AMDHD1: variants seen among roughly 807,000 people sequenced by gnomAD.
The protein encoded by AMDHD1 is amidohydrolase domain containing 1, also known as probable imidazolonepropionase.
A neutral mutation model predicts 44.1 loss-of-function variants in AMDHD1; 45 were observed. The observed-to-expected ratio is 1.02, with a 90% confidence interval of 0.80 to 1.31. The LOEUF (loss-of-function observed/expected upper bound fraction) is 1.31, where lower values mean the gene tolerates loss of function less well. Among genes scored for constraint, AMDHD1 ranks in the 50% most tolerant of loss-of-function variants. AMDHD1 has a pLI of 0.00. For missense variants in AMDHD1, 586 were observed against 552.1 expected (o/e 1.06, Z -0.61); for synonymous variants, 206 against 205.0 (o/e 1.00, Z -0.04).
intron 1 of AMDHD1, among the ~76,000 whole-genome samples, chr12:95,952,030 G>C (rs560043176): frequency 3.3e-5 from 5 of 152,154 alleles, no homozygotes; most frequent in South Asian, 2.1e-4. Flanking sequence ...CCATTCTGTG[G>C]GTTGTTTCTT....
intron 3 of AMDHD1, 94 bp from the exon 4 acceptor site, chr12:95,956,591 A>T (rs1592823653): frequency 6.6e-7 from 1 of 1,521,672 alleles, no homozygotes. Context: ...ATGGCTTCTT[A>T]ATCATTATAT....
intron 6 of AMDHD1, among the ~76,000 whole-genome samples, chr12:95,965,253 C>T (rs1227401232): frequency 1.4e-5 from 2 of 138,706 alleles, no homozygotes; most frequent in African/African-American, 2.7e-5. Flanking sequence ...GAGCCGAGAT[C>T]GTGCCACTGC....
At chr12:95,949,441 C>G (rs1351046095) in intron 1 of AMDHD1, among the ~76,000 whole-genome samples, 1 of 152,144 alleles carries the variant, frequency 6.6e-6, no homozygotes, top group African/African-American at 2.4e-5. Flanking sequence ...TCAGAAGACT[C>G]TGCAGAATTT....
At position 95,956,718 on chromosome 12, in the gene AMDHD1, G is replaced by C; in HGVS notation, c.343G>C (p.Ala115Pro). ...AGCCACCTACATGGAAATTCACCAG[G>C]CCGGAGGAGGGATCCACTTTACCGT... ...AGATYMEIHQ[A>P]GGGIHFTVER... The change falls in exon 4 of 9, where the codon GCC (alanine) becomes CCC (proline). Residue 115 changes from alanine (A) to proline (P), a missense_variant. Transcript: ENST00000266736. 1 of 1,614,198 alleles carries C rather than the reference G, an allele frequency of 6.2e-7. No individual in the cohort carries two copies. Among genetic ancestry groups the C allele is most frequent in the Non-Finnish European group, 8.5e-7 (1 of 1,180,032 alleles).
intron 1 of AMDHD1, among the ~76,000 whole-genome samples, chr12:95,944,327 TTTTATTTATTTATTTATTTATTTA>T (rs34358106): frequency 2.8e-5 from 4 of 141,574 alleles, no homozygotes; most frequent in African/African-American, 8.0e-5. Flanking sequence ...GTTGGTTTAA[TTTTATTTATTTATTTATTTATTTA>T]TTTATTTATT....
chr12:95,962,735 T>C (rs1055780216), intron 6 of AMDHD1, among the ~76,000 whole-genome samples: 3 of 152,240 alleles, frequency 2.0e-5, no homozygotes, highest in Non-Finnish European at 2.9e-5. Flanking sequence ...TCTTTTTCTT[T>C]TTTTTCATGG....
At chr12:95,962,609 C>A in intron 6 of AMDHD1, 130 bp downstream of exon 6, 1 of 1,184,754 alleles carries the variant, frequency 8.4e-7, no homozygotes, top group Non-Finnish European at 1.1e-6. Flanking sequence ...GAAAACTCAG[C>A]TAATGAAGAT....
chr12:95,958,790 A>T (rs7488038), intron 4 of AMDHD1, among the ~76,000 whole-genome samples: 81,349 of 152,076 alleles, frequency 0.53, 22,377 homozygotes, highest in African/African-American at 0.66. Flanking sequence ...GCACGGTGGC[A>T]CATACCTGTA....
intron 2 of AMDHD1, among the ~76,000 whole-genome samples, chr12:95,953,737 T>G (rs1038370952): frequency 2.6e-5 from 4 of 152,138 alleles, no homozygotes; most frequent in Non-Finnish European, 5.9e-5. Context: ...TGCACCATCA[T>G]GCCTGGCTAA....
chr12:95,950,078 T>C (rs924602322), intron 1 of AMDHD1, among the ~76,000 whole-genome samples: 2 of 152,340 alleles, frequency 1.3e-5, no homozygotes, highest in Middle Eastern at 3.4e-3. Flanking sequence ...GTGTCAGTCA[T>C]TAACTCTTTG....
Position 95,943,473 on chromosome 12 carries a change from C to T in AMDHD1, c.75C>T (p.Phe25=). 1 of 1,504,452 alleles carries T rather than the reference C, an allele frequency of 6.6e-7. No homozygotes were observed. Among genetic ancestry groups the T allele is most frequent in the South Asian group, 1.2e-5 (1 of 81,340 alleles). 93.2% of individuals were successfully genotyped at this position (1,504,452 alleles called of 1,614,324 possible). The part of the protein sequence containing the change: ...VVLVCARGER[F]LARDALRSLA... Reference sequence around the variant, plus strand: ...TGGTGTGCGCCCGCGGCGAGCGCTTCCTGGCGCGGGATGCGCTGCGCAGCC... The same window carrying T: ...TGGTGTGCGCCCGCGGCGAGCGCTTTCTGGCGCGGGATGCGCTGCGCAGCC... The change falls in exon 1 of 9, where the codon TTC becomes TTT. Residue 25 remains phenylalanine (F), a synonymous_variant. Transcript: ENST00000266736.
chr12:95,950,619 G>C (rs866214934), intron 1 of AMDHD1, among the ~76,000 whole-genome samples: 1 of 152,190 alleles, frequency 6.6e-6, no homozygotes, highest in Non-Finnish European at 1.5e-5. Flanking sequence ...ACTCCATGGG[G>C]TCCTTAGGAG....
At chr12:95,957,017 C>T (rs983440515) in intron 4 of AMDHD1, 55 bp downstream of exon 4, 1 of 1,599,014 alleles carries the variant, frequency 6.3e-7, no homozygotes, top group African/African-American at 1.3e-5. Flanking sequence ...AAACGAACCC[C>T]GGGGGTGGAG....
intron 5 of AMDHD1, among the ~76,000 whole-genome samples, chr12:95,961,623 G>T (rs1016829739): frequency 2.0e-5 from 3 of 152,136 alleles, no homozygotes; most frequent in African/African-American, 7.2e-5. Flanking sequence ...CCCATTTTCT[G>T]CTTCAGTAAA....
Position 95,967,842 on chromosome 12 carries a change from G to GA in AMDHD1, c.1281dup. 6.4e-7 allele frequency: 1 copy of GA among 1,555,476 alleles called. No individual in the cohort carries two copies. The highest frequency in any genetic ancestry group is 8.7e-7 in the Non-Finnish European group (1 of 1,146,644). The change falls in exon 9 of 9, where the codon TGA becomes TGAA. Residue 427 remains the stop codon, a frameshift_variant and stop_retained_variant. Coordinates refer to ENST00000266736, the MANE Select transcript of AMDHD1 (RefSeq NM_152435.3). LOFTEE classifies it high-confidence loss of function. ...AAAGGAAAACTCATCTATAAAACAT[G>GA]ATAGATTTGAAAAGAGAAGACTTTT... is the stretch of plus-strand genomic sequence containing the variant. ...IAKGKLIYKT[*]
At chr12:95,967,213 A>G (rs1393340465) in intron 8 of AMDHD1, among the ~76,000 whole-genome samples, 2 of 152,218 alleles carry the variant, frequency 1.3e-5, no homozygotes, top group Non-Finnish European at 2.9e-5. Flanking sequence ...TTTATTCACT[A>G]TCATGAGAAC....
chr12:95,962,450 C>T lies in AMDHD1; in HGVS notation c.909C>T (p.Ile303=). The change falls in exon 6 of 9, where the codon ATC becomes ATT. Residue 303 remains isoleucine, a synonymous_variant. Transcript: ENST00000266736. Reference sequence around the variant, plus strand: ...TGGCAACGGCCAGGTGCTCTGCCATCCTTCTGCCCACCACAGCCTACATGC... The same window carrying T: ...TGGCAACGGCCAGGTGCTCTGCCATTCTTCTGCCCACCACAGCCTACATGC... ...VAMATARCSA[I]LLPTTAYMLR... 6.2e-7 allele frequency: 1 copy of T among 1,613,576 alleles called. No individual in the cohort carries two copies. The highest frequency in any genetic ancestry group is 1.1e-5 in the South Asian group (1 of 91,002).
Position 95,957,013 on chromosome 12 carries a change from A to AC in AMDHD1, c.587+55dup, listed in dbSNP as rs760199361. 18 of 1,600,648 alleles carry AC rather than the reference A, an allele frequency of 1.1e-5. 1 individual carries two copies. Among genetic ancestry groups the AC allele is most frequent in the Non-Finnish European group, 1.5e-5 (18 of 1,172,582 alleles). On this transcript the variant is annotated intron_variant, in intron 4 of 8. Transcript: ENST00000266736. ...GTTTAACTCAGAGCATTGAAAACGA[A>AC]CCCCGGGGGTGGAGGCGCATTAGCA... is the stretch of plus-strand genomic sequence containing the variant.
chr12:95,953,130 G>A (rs140480306), intron 2 of AMDHD1, among the ~76,000 whole-genome samples: 1 of 152,262 alleles, frequency 6.6e-6, no homozygotes, highest in African/African-American at 2.4e-5. Flanking sequence ...TAGGAATCAA[G>A]CCCATTCATT....
Sources: allele counts gnomAD v4.1 joint callset (sites outside exome capture counted in the v4.1 genomes callset), GRCh38; gene constraint gnomAD v4.1.1; transcripts MANE v1.5; gene names NCBI Gene and HGNC (gene_info 2026-07-23, HGNC 2026-07-21).